PTPRD: variants seen among roughly 807,000 people sequenced by gnomAD.
The protein encoded by PTPRD is receptor-type tyrosine-protein phosphatase delta.
A neutral mutation model predicts 214.5 loss-of-function variants in PTPRD; 34 were observed. That is an observed-to-expected ratio of 0.16 (90% CI 0.12 to 0.21). The LOEUF (loss-of-function observed/expected upper bound fraction) is 0.21. PTPRD is among the 10% of genes least tolerant of loss of function. The pLI, the probability that PTPRD is intolerant of heterozygous loss-of-function variation, is 1.00. For missense variants in PTPRD, 2,545 were observed against 2,398.7 expected (o/e 1.06, Z -1.27); for synonymous variants, 1,128 against 845.7 (o/e 1.33, Z -5.79).
chr9:9,491,135 G>C (rs900046479), intron 8 of PTPRD, among the ~76,000 whole-genome samples: 3 of 151,810 alleles, frequency 2.0e-5, no homozygotes, highest in East Asian at 3.9e-4. Flanking sequence ...AAGCAAAAGA[G>C]AGCAGGGGGT....
At chr9:9,961,231 C>G (rs1356820082) in intron 4 of PTPRD, among the ~76,000 whole-genome samples, 1 of 152,068 alleles carries the variant, frequency 6.6e-6, no homozygotes, top group South Asian at 2.1e-4. Context: ...ATAAGGATTA[C>G]TATATGTATC....
chr9:8,977,561 A>G (rs1052655167), intron 11 of PTPRD, among the ~76,000 whole-genome samples: 4 of 152,014 alleles, frequency 2.6e-5, no homozygotes, highest in African/African-American at 4.8e-5. Context: ...TACAGTCATC[A>G]TCTTGAACCC....
rs183983330 is a variant in PTPRD, at chr9:9,284,390, T to C, written c.-202-101027A>G. Among the ~76,000 whole-genome samples, 189 of 151,832 alleles carry C rather than the reference T, an allele frequency of 1.2e-3. 3 individuals are homozygous for C. The highest frequency in any genetic ancestry group is 4.2e-3 in the African/African-American group (173 of 41,522). ...AGACTCCTGCCATGGTTGTAAGTTT[T>C]ATTCTTCCTCTTGCTCTCCCTGAAT... On this transcript the variant is annotated intron_variant, in intron 9 of 45. Coordinates refer to ENST00000381196, the MANE Select transcript of PTPRD (RefSeq NM_002839.4).
intron 9 of PTPRD, among the ~76,000 whole-genome samples, chr9:9,302,515 T>G (rs1955701174): frequency 6.6e-6 from 1 of 151,810 alleles, no homozygotes; most frequent in Non-Finnish European, 1.5e-5. Context: ...CTGCTTATAT[T>G]TCCATGTTCC....
At chr9:8,324,533 C>G (rs1831671676) in intron 44 of PTPRD, among the ~76,000 whole-genome samples, 1 of 152,166 alleles carries the variant, frequency 6.6e-6, no homozygotes. Flanking sequence ...CAAGTCTTTG[C>G]TATTGTGAAT....
At chr9:9,163,694 C>T in intron 10 of PTPRD, among the ~76,000 whole-genome samples, 1 of 152,218 alleles carries the variant, frequency 6.6e-6, no homozygotes, top group East Asian at 1.9e-4. Context: ...TGATCAAGAT[C>T]AAACCTCTAA....
At chr9:9,841,551 T>A (rs1599428686) in intron 5 of PTPRD, among the ~76,000 whole-genome samples, 2 of 152,282 alleles carry the variant, frequency 1.3e-5, no homozygotes, top group Middle Eastern at 6.8e-3. Context: ...TATTAGAATA[T>A]ATACGCTAGA....
intron 2 of PTPRD, among the ~76,000 whole-genome samples, chr9:10,380,074 C>G (rs1389460795): frequency 6.6e-6 from 1 of 152,068 alleles, no homozygotes; most frequent in African/African-American, 2.4e-5. Context: ...ATCCTCCTGC[C>G]TCAGTCATCA....
chr9:8,990,701 A>G (rs1275514486), intron 11 of PTPRD, among the ~76,000 whole-genome samples: 1 of 152,140 alleles, frequency 6.6e-6, no homozygotes, highest in Non-Finnish European at 1.5e-5. Context: ...CCATAAAGAA[A>G]TTGATGTACC....
intron 3 of PTPRD, among the ~76,000 whole-genome samples, chr9:10,193,399 G>C (rs1050121859): frequency 6.6e-6 from 1 of 152,014 alleles, no homozygotes; most frequent in Non-Finnish European, 1.5e-5. Flanking sequence ...AGATAGAGTA[G>C]GATCTAGTAA....
chr9:9,357,514 A>G (rs2054257977), intron 9 of PTPRD, among the ~76,000 whole-genome samples: 1 of 151,248 alleles, frequency 6.6e-6, no homozygotes, highest in Non-Finnish European at 1.5e-5. Flanking sequence ...GGGAAATCAT[A>G]TATAAGGTCC....
At chr9:10,182,071 C>T (rs570171684) in intron 3 of PTPRD, among the ~76,000 whole-genome samples, 142 of 145,220 alleles carry the variant, frequency 9.8e-4, no homozygotes, top group Non-Finnish European at 1.4e-3. Context: ...CTGGCTAATA[C>T]GGTGAAACCT....
intron 21 of PTPRD, among the ~76,000 whole-genome samples, chr9:8,516,880 T>G (rs1426271580): frequency 6.8e-6 from 1 of 146,688 alleles, no homozygotes; most frequent in Non-Finnish European, 1.5e-5. Context: ...CTTAGCTCAC[T>G]GCAAACTTGC....
intron 3 of PTPRD, among the ~76,000 whole-genome samples, chr9:10,077,084 C>T (rs2154185333): frequency 6.6e-6 from 1 of 152,194 alleles, no homozygotes; most frequent in Middle Eastern, 3.4e-3. Flanking sequence ...AATTGTGGTT[C>T]GAATAAAACT....
At chr9:9,803,134 C>T (rs1429172638) in intron 5 of PTPRD, among the ~76,000 whole-genome samples, 3 of 151,116 alleles carry the variant, frequency 2.0e-5, no homozygotes, top group East Asian at 1.9e-4. Context: ...GTAAGCATTA[C>T]GCAAATAGAA....
At chr9:9,821,086 C>T (rs1220375755) in intron 5 of PTPRD, among the ~76,000 whole-genome samples, 2 of 152,090 alleles carry the variant, frequency 1.3e-5, no homozygotes, top group East Asian at 3.9e-4. Flanking sequence ...ATTTTAATGA[C>T]ATTGATTATT....
chr9:10,387,820 C>CTTTTTTT (rs58959929), intron 2 of PTPRD, among the ~76,000 whole-genome samples: 2 of 82,574 alleles, frequency 2.4e-5, no homozygotes, highest in East Asian at 4.7e-4. Flanking sequence ...AAGATTTTGT[C>CTTTTTTT]TTTTTTTTTT....
intron 33 of PTPRD, among the ~76,000 whole-genome samples, chr9:8,458,396 C>T (rs1167682045): frequency 6.6e-6 from 1 of 151,968 alleles, no homozygotes; most frequent in Non-Finnish European, 1.5e-5. Flanking sequence ...CTATGTATAT[C>T]CAAATAAAAC....
chr9:9,142,581 T>C (rs2099862268), intron 10 of PTPRD, among the ~76,000 whole-genome samples: 1 of 152,192 alleles, frequency 6.6e-6, no homozygotes, highest in Non-Finnish European at 1.5e-5. Context: ...TTTTAATATT[T>C]TCTAATAGTG....
Sources: gnomAD v4.1 joint callset for allele counts (sites outside exome capture counted in the v4.1 genomes callset) on GRCh38, gnomAD v4.1.1 for gene constraint, MANE v1.5 for transcripts, NCBI Gene and HGNC (gene_info 2026-07-23, HGNC 2026-07-21) for gene names.